The following ZMYM6 variants were observed in gnomAD, a reference collection of about 807,000 sequenced individuals.
ZMYM6 encodes zinc finger MYM-type containing 6.
Under a neutral mutation model 134.0 loss-of-function variants are expected in ZMYM6, and 90 were observed. The observed-to-expected ratio is 0.67, with a 90% CI of 0.57 to 0.80. ZMYM6 has a LOEUF of 0.80. Among genes scored for constraint, ZMYM6 ranks in the 30% least tolerant of loss-of-function variants. The probability of loss-of-function intolerance (pLI) is 0.00; values close to 1 mark genes in which losing one functional copy is unlikely to be tolerated. For missense variants in ZMYM6, 1,362 were observed against 1,533.9 expected (o/e 0.89, Z 1.87); for synonymous variants, 481 against 524.1 (o/e 0.92, Z 1.12).
At position 35,016,090 on chromosome 1, in the gene ZMYM6, A is replaced by G. The variant is rs182963878; in HGVS notation, c.429-928T>C. On this transcript the variant is annotated intron_variant, in intron 4 of 15. Coordinates refer to ENST00000357182, the MANE Select transcript of ZMYM6 (RefSeq NM_007167.4). Reference sequence around the variant, plus strand: ...AGCCTCCGGTTCGAGTAGCTGGGACACCAGCACGTGCCACCATGCCAGGCT... The same window carrying G: ...AGCCTCCGGTTCGAGTAGCTGGGACGCCAGCACGTGCCACCATGCCAGGCT... Among the ~76,000 whole-genome samples, 1,489 of 151,882 alleles carry G rather than the reference A, an allele frequency of 9.8e-3. 23 individuals carry two copies. Among genetic ancestry groups the G allele is most frequent in the South Asian group, 0.026 (125 of 4,810 alleles).
intron 4 of ZMYM6, chr1:35,017,979 G>C (rs1474545375): frequency 1.3e-5 from 2 of 152,084 alleles, no homozygotes; most frequent in Non-Finnish European, 2.9e-5. Flanking sequence ...AGTTTCATGA[G>C]AATGACATAA....
chr1:35,029,932 G>C (rs1378883141), intron 2 of ZMYM6, among the ~76,000 whole-genome samples: 1 of 152,050 alleles, frequency 6.6e-6, no homozygotes, highest in African/African-American at 2.4e-5. Flanking sequence ...TAACATATAA[G>C]CTCTACAAGG....
rs1212848644 is a variant in ZMYM6 at position 34,992,680 on chromosome 1, T to TTATAAAC, written c.1993-294_1993-293insGTTTATA. On this transcript the variant is annotated intron_variant, in intron 14 of 15. Transcript: ENST00000357182. ...ATAAACTATAAATATAAAAATATAT[T>TTATAAAC]TGTAAATATAAAAATAAAAATATAC... Among the ~76,000 whole-genome samples, 165 of 139,780 alleles carry TTATAAAC rather than the reference T, an allele frequency of 1.2e-3. 1 individual carries two copies. The highest frequency in any genetic ancestry group is 4.5e-3 in the African/African-American group (160 of 35,372). 91.7% of individuals were successfully genotyped at this position (139,780 alleles called of 152,430 possible).
Position 34,988,910 on chromosome 1 carries a change from A to G in ZMYM6, c.2172T>C (p.Asn724=). 1 of 1,611,880 alleles carries G rather than the reference A, an allele frequency of 6.2e-7. No homozygotes were observed. Among genetic ancestry groups the G allele is most frequent in the South Asian group, 1.1e-5 (1 of 90,194 alleles). The change falls in exon 16 of 16, where the codon AAT becomes AAC. Residue 724 remains asparagine (N), a synonymous_variant. Coordinates refer to ENST00000357182, the MANE Select transcript of ZMYM6 (RefSeq NM_007167.4). ...AAGGTGGAGAATCAAGTTCTGCATC[A>G]TTTTTTTCATTAGGCATAGGTAAAT... ...QTDLPMPNEK[N]DAELDSPPSK...
At chr1:35,030,044 ATTT>A (rs965677000) in intron 2 of ZMYM6, 1 of 153,862 alleles carries the variant, frequency 6.5e-6, no homozygotes, top group Non-Finnish European at 1.4e-5. Flanking sequence ...ATACAAGAGA[ATTT>A]TTTTTAAGTG....
At chr1:35,026,637 C>T (rs1414758960) in intron 2 of ZMYM6, among the ~76,000 whole-genome samples, 6 of 152,154 alleles carry the variant, frequency 3.9e-5, no homozygotes, top group African/African-American at 1.2e-4. Context: ...ATTGAATTAA[C>T]TTAAAGCACA....
At chr1:35,008,096 T>C (rs1016970463) in intron 11 of ZMYM6, among the ~76,000 whole-genome samples, 1 of 152,056 alleles carries the variant, frequency 6.6e-6, no homozygotes, top group African/African-American at 2.4e-5. Flanking sequence ...TTTTTAGAGG[T>C]AGAAAAACAA....
chr1:34,988,028 C>T lies in ZMYM6; in HGVS notation c.3054G>A (p.Val1018=). Reference sequence around the variant, plus strand: ...GTAAACATGGAGACAACTTTTCTGCCACTAAACGTTCACGGTGAATAAAAC... The same window carrying T: ...GTAAACATGGAGACAACTTTTCTGCTACTAAACGTTCACGGTGAATAAAAC... ...THCFIHRERL[V]AEKLSPCLHK... The change falls in exon 16 of 16, where the codon GTG becomes GTA. Residue 1018 remains valine, a synonymous_variant. Transcript: ENST00000357182. 1.3e-6 allele frequency: 2 copies of T among 1,551,316 alleles called. No individual in the cohort carries two copies. The highest frequency in any genetic ancestry group is 1.7e-6 in the Non-Finnish European group (2 of 1,146,854).
At chr1:34,994,944 A>G (rs1640748989) in intron 14 of ZMYM6, among the ~76,000 whole-genome samples, 2 of 146,740 alleles carry the variant, frequency 1.4e-5, no homozygotes, top group Non-Finnish European at 1.5e-5. Flanking sequence ...ATATATATGT[A>G]TACATATATC....
At chr1:35,019,164 A>G in intron 4 of ZMYM6, 189 bp downstream of exon 4, 4 of 782,720 alleles carry the variant, frequency 5.1e-6, no homozygotes, top group South Asian at 4.0e-5. Context: ...TGGTTTAGGC[A>G]ATATTCTAAC....
rs1640685183 is a variant in ZMYM6 at position 34,992,062 on chromosome 1, A to C, written c.2146+172T>G. On this transcript the variant is annotated intron_variant, in intron 15 of 15. Coordinates refer to ENST00000357182, the MANE Select transcript of ZMYM6 (RefSeq NM_007167.4). ...TAGCTTGTTATGATAGCTGGTTATT[A>C]GTGTTAATAATTATGAAAGCAATAA... 7 of 797,010 alleles carry C rather than the reference A, an allele frequency of 8.8e-6. No homozygotes were observed. The Admixed American group carries it at 8.9e-5, about 10-fold the overall frequency. 49.4% of individuals were successfully genotyped at this position (797,010 alleles called of 1,614,324 possible). A position where few individuals can be genotyped will look rare whatever the true frequency, so the allele number is the denominator to read the frequency against.
intron 14 of ZMYM6, among the ~76,000 whole-genome samples, chr1:35,000,667 G>T (rs917351123): frequency 6.6e-6 from 1 of 152,162 alleles, no homozygotes; most frequent in South Asian, 2.1e-4. Flanking sequence ...AACCTACTCA[G>T]TATCAACATG....
intron 14 of ZMYM6, among the ~76,000 whole-genome samples, chr1:35,003,104 C>G (rs978976118): frequency 1.3e-5 from 2 of 150,902 alleles, no homozygotes; most frequent in African/African-American, 4.9e-5. Flanking sequence ...ACTGCTTGAG[C>G]CCAGAATTTC....
At chr1:35,028,141 C>G (rs1641448151) in intron 2 of ZMYM6, among the ~76,000 whole-genome samples, 1 of 151,994 alleles carries the variant, frequency 6.6e-6, no homozygotes, top group South Asian at 2.1e-4. Flanking sequence ...ATGGCGAAAC[C>G]CAGTCTCTAA....
intron 6 of ZMYM6, chr1:35,013,624 C>A (rs1022837044): frequency 6.1e-6 from 6 of 985,182 alleles, no homozygotes; most frequent in African/African-American, 1.7e-5. Context: ...AAGGAAGCAA[C>A]AAATCAAACT....
chr1:35,025,466 CAAAAAAAA>C lies in ZMYM6; in HGVS notation c.94-5007_94-5000del, dbSNP rs1161814959. ...TGGGCTACAAAGCAAGACTCCATCC[CAAAAAAAA>C]AAAAAAAAAAAAAAGAAAGAAAAAA... On this transcript the variant is annotated intron_variant, in intron 2 of 15. Coordinates refer to ENST00000357182, the MANE Select transcript of ZMYM6 (RefSeq NM_007167.4). Among the ~76,000 whole-genome samples, 3 of 55,006 alleles carry C rather than the reference CAAAAAAAA, an allele frequency of 5.5e-5. No individual in the cohort carries two copies. In the South Asian group the frequency reaches 2.8e-3, roughly 51 times the overall value. The allele number at this position is 55,006 out of a possible 152,430, so 36.1% of individuals were successfully genotyped here. A position where few individuals can be genotyped will look rare whatever the true frequency, so the allele number is the denominator to read the frequency against.
In ZMYM6 at chr1:35,029,220, G is replaced by A. The variant is rs186826855; in HGVS notation, c.93+1327C>T. The stretch of plus-strand genomic sequence containing the variant: ...CTATAATGGCTATCTACTGCTCTTA[G>A]GATAAAAACCAAAATTTATAACAAG... On this transcript the variant is annotated intron_variant, in intron 2 of 15. Coordinates refer to ENST00000357182, the MANE Select transcript of ZMYM6 (RefSeq NM_007167.4). 2.9e-3 allele frequency among the ~76,000 whole-genome samples: 443 copies of A among 152,120 alleles called. 6 individuals are homozygous for A. The highest frequency in any genetic ancestry group is 3.4e-3 in the Middle Eastern group (1 of 294).
intron 15 of ZMYM6, chr1:34,989,328 T>C (rs1473930950): frequency 2.4e-5 from 21 of 857,616 alleles, no homozygotes; most frequent in Non-Finnish European, 2.8e-5. Context: ...ACTTGAGCCC[T>C]GGAGTTAGAG....
At chr1:35,009,742 G>A (rs1641050217) in intron 10 of ZMYM6, among the ~76,000 whole-genome samples, 1 of 151,878 alleles carries the variant, frequency 6.6e-6, no homozygotes. Flanking sequence ...AGACCAGCCT[G>A]GGAAACATGG....
Sources: allele counts gnomAD v4.1 joint callset (sites outside exome capture counted in the v4.1 genomes callset), GRCh38; gene constraint gnomAD v4.1.1; transcripts MANE v1.5; gene names NCBI Gene and HGNC (gene_info 2026-07-23, HGNC 2026-07-21).